The following STAU2 variants were observed in gnomAD, a reference collection of about 807,000 sequenced individuals.
STAU2 encodes the protein double-stranded RNA-binding protein Staufen homolog 2.
Under a neutral mutation model 65.9 loss-of-function variants are expected in STAU2, and 20 were observed. That is an observed-to-expected ratio of 0.30 (90% confidence interval 0.21 to 0.44). The LOEUF is 0.44. STAU2 is among the 20% of genes least tolerant of loss of function. The probability of loss-of-function intolerance (pLI) is 1.00; values close to 1 mark genes in which losing one functional copy is unlikely to be tolerated. For synonymous variants in STAU2, 232 were observed against 233.9 expected, an observed-to-expected ratio of 0.99 and a Z score of 0.07; for missense variants, 558 against 683.9, an observed-to-expected ratio of 0.82 and a Z score of 2.05.
intron 1 of STAU2, among the ~76,000 whole-genome samples, chr8:73,740,522 T>C (rs1177123122): frequency 1.3e-5 from 2 of 152,240 alleles, no homozygotes; most frequent in Admixed American, 6.5e-5. Context: ...ATTAGTCACA[T>C]GGTGTTAAAA....
intron 13 of STAU2, among the ~76,000 whole-genome samples, chr8:73,427,050 T>C (rs1287387837): frequency 6.6e-6 from 1 of 150,452 alleles, no homozygotes; most frequent in East Asian, 2.0e-4. Context: ...TGCCTCAGCC[T>C]CCCGAGTAGC....
rs141782454 is a variant in STAU2, at chr8:73,522,599, A to G, written c.1530+29413T>C. 4.4e-3 allele frequency among the ~76,000 whole-genome samples: 676 copies of G among 152,374 alleles called. 1 individual carries two copies. The highest frequency in any genetic ancestry group is 0.015 in the African/African-American group (617 of 41,588). Reference sequence around the variant, plus strand: ...TTCCTACATACAGTTATTCACAGTTAGCTCATGTTTGCTGAGAAATCTGTA... The same window carrying G: ...TTCCTACATACAGTTATTCACAGTTGGCTCATGTTTGCTGAGAAATCTGTA... On this transcript the variant is annotated intron_variant, in intron 13 of 14. Coordinates refer to ENST00000524300, the MANE Select transcript of STAU2 (RefSeq NM_001164380.2).
At chr8:73,526,243 G>A (rs1195130811) in intron 13 of STAU2, among the ~76,000 whole-genome samples, 1 of 152,188 alleles carries the variant, frequency 6.6e-6, no homozygotes, top group Non-Finnish European at 1.5e-5. Context: ...TTGCAAGGAA[G>A]TAACAGAATC....
chr8:73,618,498 T>G (rs186434659), intron 6 of STAU2, among the ~76,000 whole-genome samples: 2 of 152,050 alleles, frequency 1.3e-5, no homozygotes, highest in African/African-American at 2.4e-5. Context: ...CTGGCAAAAG[T>G]TTAGGGAGAC....
intron 13 of STAU2, among the ~76,000 whole-genome samples, chr8:73,443,669 T>C (rs975241615): frequency 6.6e-6 from 1 of 152,062 alleles, no homozygotes; most frequent in Non-Finnish European, 1.5e-5. Flanking sequence ...CTGGGCAACA[T>C]AGTAAGTCTC....
chr8:73,527,821 G>A (rs1225619533), intron 13 of STAU2: 6 of 1,514,958 alleles, frequency 4.0e-6, no homozygotes, highest in Non-Finnish European at 5.3e-6. Context: ...CAGAACACAC[G>A]CAATCCACTG....
chr8:73,495,672 T>C (rs1253562976), intron 13 of STAU2, among the ~76,000 whole-genome samples: 3 of 147,374 alleles, frequency 2.0e-5, no homozygotes, highest in Admixed American at 6.8e-5. Context: ...AATATATATA[T>C]ATATATATAT....
chr8:73,745,506 G>T (rs969798267), intron 1 of STAU2, among the ~76,000 whole-genome samples: 1 of 152,190 alleles, frequency 6.6e-6, no homozygotes, highest in African/African-American at 2.4e-5. Context: ...AAGTATTCAC[G>T]ATGCTGGTCT....
intron 13 of STAU2, among the ~76,000 whole-genome samples, chr8:73,478,597 T>C (rs1435033124): frequency 6.6e-6 from 1 of 152,136 alleles, no homozygotes. Flanking sequence ...AGTTAGCAAA[T>C]GATGCTCTGA....
At chr8:73,557,209 C>T (rs529496013) in intron 12 of STAU2, among the ~76,000 whole-genome samples, 95 of 152,282 alleles carry the variant, frequency 6.2e-4, no homozygotes, top group African/African-American at 2.1e-3. Flanking sequence ...AGCATAAGAA[C>T]GTGGAGTTCA....
chr8:73,624,692 T>C (rs1432200494), intron 6 of STAU2, among the ~76,000 whole-genome samples: 2 of 152,196 alleles, frequency 1.3e-5, no homozygotes, highest in Non-Finnish European at 2.9e-5. Flanking sequence ...CCATGCTGCC[T>C]CTGAATGAAC....
chr8:73,652,863 C>T (rs1280789774), intron 6 of STAU2: 2 of 152,070 alleles, frequency 1.3e-5, no homozygotes, highest in Admixed American at 6.6e-5. Context: ...AACTATCTGG[C>T]CACTTCATTC....
chr8:73,692,870 A>G (rs1198798336), intron 4 of STAU2, among the ~76,000 whole-genome samples: 2 of 152,212 alleles, frequency 1.3e-5, no homozygotes, highest in East Asian at 3.9e-4. Flanking sequence ...TCAGAAATGA[A>G]GTGTTACAGC....
At chr8:73,486,367 G>T (rs1011465242) in intron 13 of STAU2, among the ~76,000 whole-genome samples, 1 of 151,774 alleles carries the variant, frequency 6.6e-6, no homozygotes, top group Non-Finnish European at 1.5e-5. Flanking sequence ...TCAAATAAAT[G>T]AACACTTGAA....
intron 13 of STAU2, among the ~76,000 whole-genome samples, chr8:73,462,946 G>A (rs1263750700): frequency 6.6e-6 from 1 of 152,306 alleles, no homozygotes; most frequent in African/African-American, 2.4e-5. Flanking sequence ...ACATGTTTTT[G>A]CAGAATAATG....
intron 1 of STAU2, among the ~76,000 whole-genome samples, chr8:73,745,791 C>G (rs1385027617): frequency 6.6e-6 from 1 of 152,032 alleles, no homozygotes; most frequent in Non-Finnish European, 1.5e-5. Context: ...AAATATGGAC[C>G]CTTACCAAAG....
At chr8:73,462,226 C>T (rs908179871) in intron 13 of STAU2, among the ~76,000 whole-genome samples, 6 of 151,502 alleles carry the variant, frequency 4.0e-5, no homozygotes, top group Non-Finnish European at 7.4e-5. Context: ...ATTACAGGTG[C>T]CTGCCACCAC....
chr8:73,586,780 T>A (rs1211161140), intron 11 of STAU2, among the ~76,000 whole-genome samples: 5 of 151,474 alleles, frequency 3.3e-5, no homozygotes, highest in East Asian at 1.9e-4. Context: ...AAATAGCTGA[T>A]GTGAAAATGT....
intron 13 of STAU2, among the ~76,000 whole-genome samples, chr8:73,494,927 G>A (rs1274511080): frequency 6.6e-6 from 1 of 151,578 alleles, no homozygotes; most frequent in African/African-American, 2.4e-5. Flanking sequence ...CAATTGTGCT[G>A]AGCCATTAAA....
Sources: gnomAD v4.1 joint callset for allele counts (sites outside exome capture counted in the v4.1 genomes callset) on GRCh38, gnomAD v4.1.1 for gene constraint, MANE v1.5 for transcripts, NCBI Gene and HGNC (gene_info 2026-07-23, HGNC 2026-07-21) for gene names.